ARHGEF18: variants seen among roughly 807,000 people sequenced by gnomAD.
The protein encoded by ARHGEF18 is rho guanine nucleotide exchange factor 18.
A neutral mutation model predicts 155.7 loss-of-function variants in ARHGEF18; 93 were observed. The ratio of observed to expected loss-of-function variants is 0.60; its 90% CI spans 0.50 to 0.71. The LOEUF (loss-of-function observed/expected upper bound fraction) is 0.71. Among genes scored for constraint, ARHGEF18 ranks in the 30% least tolerant of loss-of-function variants. The pLI is 0.00. For synonymous variants in ARHGEF18, 742 were observed against 753.1 expected (o/e 0.99, Z 0.24); for missense variants, 1,593 against 1,816.1 (o/e 0.88, Z 2.23).
chr19:7,453,203 C>T (rs945344251), intron 16 of ARHGEF18, among the ~76,000 whole-genome samples: 3 of 150,922 alleles, frequency 2.0e-5, no homozygotes, highest in African/African-American at 7.4e-5. Flanking sequence ...TCCACCCTAC[C>T]CTCCCCCCCC....
chr19:7,354,718 T>C (rs565231913), intron 1 of ARHGEF18, among the ~76,000 whole-genome samples: 140 of 144,252 alleles, frequency 9.7e-4, no homozygotes, highest in Non-Finnish European at 1.9e-3. Flanking sequence ...CTGGGCAACA[T>C]AGTGAGACCC....
At chr19:7,367,955 G>C (rs1970003193) in intron 2 of ARHGEF18, among the ~76,000 whole-genome samples, 1 of 97,384 alleles carries the variant, frequency 1.0e-5, no homozygotes, top group Non-Finnish European at 1.9e-5. Flanking sequence ...TGCAGACCTG[G>C]AAAGAAGGAA....
At chr19:7,468,689 G>A in intron 26 of ARHGEF18, 136 bp from the exon 27 acceptor site, 1 of 979,832 alleles carries the variant, frequency 1.0e-6, no homozygotes, top group South Asian at 1.8e-5. Flanking sequence ...GCAATGACCA[G>A]CAGCTCCTTC....
intron 17 of ARHGEF18, among the ~76,000 whole-genome samples, 198 bp from the exon 18 acceptor site, chr19:7,456,129 C>T (rs899068977): frequency 3.3e-5 from 5 of 152,190 alleles, no homozygotes; most frequent in Admixed American, 6.5e-5. Flanking sequence ...GAGGAGGCTC[C>T]GGCTGCTCGT....
chr19:7,470,730 C>G lies in ARHGEF18; in HGVS notation c.*432C>G, dbSNP rs1668497534. On this transcript the variant is annotated 3_prime_UTR_variant, in exon 29 of 29. Coordinates refer to ENST00000668164, the MANE Select transcript of ARHGEF18 (RefSeq NM_001367823.1). This position sits in a 1 kb window ranked among gnomAD's most constrained non-coding sequence, Gnocchi z 5.9. ...AGGAGCTGCCGGCCGGGGCCACGCT[C>G]CACAGCCGCCGCGCGACAGTGGAGC... 1 of 400,822 alleles carries G rather than the reference C, an allele frequency of 2.5e-6. No individual in the cohort carries two copies. Among genetic ancestry groups the G allele is most frequent in the African/African-American group, 2.0e-5 (1 of 48,802 alleles). 24.8% of individuals were successfully genotyped at this position (400,822 alleles called of 1,614,324 possible). A position where few individuals can be genotyped will look rare whatever the true frequency, so the allele number is the denominator to read the frequency against.
Position 7,395,193 on chromosome 19 carries a change from C to T in ARHGEF18, c.967+11990C>T. ...GGCCGGACGGAGGCATCGGAGGCGG[C>T]TGCGAGAGTGGCAGAGGAGCTGGCG... On this transcript the variant is annotated intron_variant, in intron 10 of 28. Coordinates refer to ENST00000668164, the MANE Select transcript of ARHGEF18 (RefSeq NM_001367823.1). This position sits in a 1 kb window ranked among gnomAD's most constrained non-coding sequence, Gnocchi z 5.0. 1 of 986,220 alleles carries T rather than the reference C, an allele frequency of 1.0e-6. No homozygotes were observed. The highest frequency in any genetic ancestry group is 1.2e-6 in the Non-Finnish European group (1 of 830,582). 61.1% of individuals were successfully genotyped at this position (986,220 alleles called of 1,614,324 possible). A position where few individuals can be genotyped will look rare whatever the true frequency, so the allele number is the denominator to read the frequency against.
intron 20 of ARHGEF18, among the ~76,000 whole-genome samples, chr19:7,460,934 A>T (rs1600526277): frequency 6.6e-6 from 1 of 151,190 alleles, no homozygotes; most frequent in Non-Finnish European, 1.5e-5. Context: ...GACTATAGGC[A>T]CCCGCCACCA....
chr19:7,350,895 T>C (rs1160984606), intron 1 of ARHGEF18, among the ~76,000 whole-genome samples: 1 of 151,720 alleles, frequency 6.6e-6, no homozygotes, highest in African/African-American at 2.4e-5. Flanking sequence ...CCTCCGCCTC[T>C]CGGGTTTAAG....
At position 7,441,780 on chromosome 19, in the gene ARHGEF18, G is replaced by A. The variant is rs201699507; in HGVS notation, c.1219+15G>A. The A allele has an allele frequency of 2.0e-4, 319 of 1,613,632 alleles. 3 individuals are homozygous for A. The African/African-American group carries it at 2.9e-3, about 15-fold the overall frequency. ...TTTTGTAGAAGGTATGGTCATCTCC[G>A]CTCTCTCGCGGCTGCCACACAGTTC... On this transcript the variant is annotated intron_variant, in intron 12 of 28. Transcript: ENST00000668164.
At position 7,468,958 on chromosome 19, in the gene ARHGEF18, C is replaced by T. The variant is rs1426824272; in HGVS notation, c.3614C>T (p.Thr1205Ile). ...GTGGCTCGCCGGGACAGCGCCCCCA[C>T]CGAGAACCGGCTGGCCAAGAGCGAT... The part of the protein sequence containing the change: ...PEVARRDSAP[T>I]ENRLAKSDVP... Residue 1205 changes from threonine to isoleucine, a missense_variant, in exon 27 of 29, where the codon ACC becomes ATC. By Grantham distance (89) the Thr-to-Ile change is moderately conservative. Coordinates refer to ENST00000668164, the MANE Select transcript of ARHGEF18 (RefSeq NM_001367823.1). 1.9e-6 allele frequency: 3 copies of T among 1,584,594 alleles called. No individual in the cohort carries two copies. Among genetic ancestry groups the T allele is most frequent in the Non-Finnish European group, 8.6e-7 (1 of 1,166,906 alleles).
At chr19:7,361,435 C>G (rs1479045084) in intron 1 of ARHGEF18, among the ~76,000 whole-genome samples, 1 of 151,860 alleles carries the variant, frequency 6.6e-6, no homozygotes, top group Non-Finnish European at 1.5e-5. Context: ...GAGGCTCTAT[C>G]TCAAAAAAGA....
chr19:7,399,742 G>T (rs1398116138), intron 10 of ARHGEF18, among the ~76,000 whole-genome samples: 8 of 150,264 alleles, frequency 5.3e-5, no homozygotes, highest in Non-Finnish European at 1.2e-4. Context: ...GCCTCCCAAA[G>T]TGCTGGGATT....
chr19:7,416,991 C>G (rs112606146), intron 10 of ARHGEF18, among the ~76,000 whole-genome samples: 17,399 of 151,282 alleles, frequency 0.12, 2,003 homozygotes, highest in African/African-American at 0.3. Flanking sequence ...CTCACTGCAG[C>G]CTTTGCCTCC....
At chr19:7,363,023 A>G (rs1021060190) in intron 2 of ARHGEF18, 118 bp downstream of exon 2, 2 of 1,158,752 alleles carry the variant, frequency 1.7e-6, no homozygotes, top group Non-Finnish European at 1.1e-6. Flanking sequence ...GGGAATCCTC[A>G]TCGAAACTTG....
In ARHGEF18 at chr19:7,468,998, G is replaced by A. The variant is rs774721107; in HGVS notation, c.3654G>A (p.Leu1218=). Residue 1218 remains leucine, a synonymous_variant, in exon 27 of 29, where the codon CTG becomes CTA. Transcript: ENST00000668164. ...RLAKSDVPIQ[L]LSATNQFQRQ... ...CCAAGAGCGATGTGCCCATCCAGCT[G>A]CTCAGCGCCACCAACCAGTTCCAGA... 6.3e-7 allele frequency: 1 copy of A among 1,596,240 alleles called. No individual in the cohort carries two copies. The highest frequency in any genetic ancestry group is 1.1e-5 in the South Asian group (1 of 88,460).
chr19:7,395,137 T>C lies in ARHGEF18; in HGVS notation c.967+11934T>C. 2.0e-6 allele frequency: 2 copies of C among 985,534 alleles called. No homozygotes were observed. Among genetic ancestry groups the C allele is most frequent in the Non-Finnish European group, 2.4e-6 (2 of 830,004 alleles). The allele number at this position is 985,534 out of a possible 1,614,324, so 61.0% of individuals were successfully genotyped here. On this transcript the variant is annotated intron_variant, in intron 10 of 28. Coordinates refer to ENST00000668164, the MANE Select transcript of ARHGEF18 (RefSeq NM_001367823.1). This position sits in a 1 kb window ranked among gnomAD's most constrained non-coding sequence, Gnocchi z 5.0. ...CCTCGCGCGGCTTCCCGCTTCCGGC[T>C]CCCAGCTGCTAGCTACTGTGGATCT...
chr19:7,440,405 G>T lies in ARHGEF18; in HGVS notation c.1029G>T (p.Arg343Ser). The T allele has an allele frequency of 6.2e-7, 1 of 1,607,704 alleles. No individual in the cohort carries two copies. Residue 343 changes from arginine (R) to serine (S), a missense_variant, in exon 11 of 29, where the codon AGG becomes AGT. Transcript: ENST00000668164. This position sits in a 1 kb window ranked among gnomAD's most constrained non-coding sequence, Gnocchi z 5.4. The stretch of plus-strand genomic sequence containing the variant: ...CCGATGGCAGCCCGGCCCTGTCCAG[G>T]AATGTCGGTATGACGGTCTCTCAGA... ...LLSDGSPALS[R>S]NVGMTVSQKG...
rs1976365396 is a variant in ARHGEF18, at chr19:7,462,831, CTTTTCT to C, written c.2635+502_2635+507del. Among the ~76,000 whole-genome samples the C allele has an allele frequency of 7.8e-6, 1 of 128,608 alleles. No homozygotes were observed. The highest frequency in any genetic ancestry group is 2.4e-4 in the East Asian group (1 of 4,110). The allele number at this position is 128,608 out of a possible 152,430, so 84.4% of individuals were successfully genotyped here. On this transcript the variant is annotated intron_variant, in intron 21 of 28. Transcript: ENST00000668164. The surrounding 1 kb of genome is among the most constrained non-coding windows in gnomAD (Gnocchi z 4.4). ...CGCCCAGTCTGCTCTTTCTTTTTTT[CTTTTCT>C]TTTTTTTTTTTTTTTTTGAGATGGA...
At chr19:7,453,388 T>C (rs1311030349) in intron 16 of ARHGEF18, 79 bp from the exon 17 acceptor site, 1 of 1,497,606 alleles carries the variant, frequency 6.7e-7, no homozygotes, top group East Asian at 2.3e-5. Flanking sequence ...TAGATCCACA[T>C]GTCCATACAT....
Sources: allele counts gnomAD v4.1 joint callset (sites outside exome capture counted in the v4.1 genomes callset), GRCh38; gene constraint gnomAD v4.1.1; non-coding constraint Gnocchi (gnomAD v3.1); transcripts MANE v1.5; gene names NCBI Gene and HGNC (gene_info 2026-07-23, HGNC 2026-07-21).